ZNF48: variants seen among roughly 807,000 people sequenced by gnomAD.
ZNF48 encodes the protein zinc finger protein 48.
A neutral mutation model predicts 40.0 loss-of-function variants in ZNF48; 20 were observed. The ratio of observed to expected loss-of-function variants is 0.50; its 90% CI spans 0.35 to 0.73. ZNF48 has a LOEUF of 0.73. Among genes scored for constraint, ZNF48 ranks in the 30% least tolerant of loss-of-function variants. ZNF48 has a pLI of 0.01. For synonymous variants in ZNF48, 298 were observed against 329.7 expected, an observed-to-expected ratio of 0.90 and a Z score of 1.04; for missense variants, 726 against 851.9, an observed-to-expected ratio of 0.85 and a Z score of 1.84.
chr16:30,381,847 C>T lies in ZNF48; in HGVS notation c.-16+3437C>T, dbSNP rs2049853638. 1.2e-6 allele frequency: 2 copies of T among 1,614,176 alleles called. No homozygotes were observed. Among genetic ancestry groups the T allele is most frequent in the Middle Eastern group, 1.6e-4 (1 of 6,062 alleles). ...CACACCCCCTTCCTCAATCTCTACG[C>T]CCCGGCGCTCAATGGCCAGGGTCTG... On this transcript the variant is annotated intron_variant, in intron 1 of 2. Transcript: ENST00000528032. This position sits in a 1 kb window ranked among gnomAD's most constrained non-coding sequence, Gnocchi z 4.3.
chr16:30,390,766 G>A (rs1443950413), upstream of ZNF48, among the ~76,000 whole-genome samples: 3 of 151,610 alleles, frequency 2.0e-5, no homozygotes, highest in African/African-American at 4.8e-5. Context: ...GACTACAGGC[G>A]CCCGCCATCA....
intron 1 of ZNF48, among the ~76,000 whole-genome samples, chr16:30,386,741 T>G (rs1356212435): frequency 6.6e-6 from 1 of 151,794 alleles, no homozygotes; most frequent in Non-Finnish European, 1.5e-5. Flanking sequence ...CTCGGCTCAC[T>G]GCAACCTCTG....
rs139700274 is a variant in ZNF48 at position 30,388,191 on chromosome 16, C to T, written c.-15-7589C>T. Reference sequence around the variant, plus strand: ...GTTTCTCAGTGTTGGTCAGGCTGGTCTCGAATTCCCAATCTCAGGTGATCC... The same window carrying T: ...GTTTCTCAGTGTTGGTCAGGCTGGTTTCGAATTCCCAATCTCAGGTGATCC... On this transcript the variant is annotated intron_variant, in intron 1 of 2. Transcript: ENST00000528032. Among the ~76,000 whole-genome samples, 5 of 152,100 alleles carry T rather than the reference C, an allele frequency of 3.3e-5. No homozygotes were observed. In the East Asian group the frequency reaches 9.7e-4, roughly 29 times the overall value.
intron 2 of ZNF48, among the ~76,000 whole-genome samples, chr16:30,396,204 T>A (rs551493228): frequency 1.6e-4 from 25 of 152,212 alleles, no homozygotes; most frequent in Non-Finnish European, 3.1e-4. Context: ...TAAGTCCAGA[T>A]ATAATCCTGT....
upstream of ZNF48, chr16:30,395,325 A>T: frequency 2.2e-6 from 1 of 453,428 alleles, no homozygotes; most frequent in Middle Eastern, 3.7e-4. This position sits in a 1 kb window ranked among gnomAD's most constrained non-coding sequence, Gnocchi z 5.9. Context: ...CCCGCCGGCC[A>T]CAGAGCTACC....
At chr16:30,394,756 C>T (rs1244238757), upstream of ZNF48, 1 of 159,052 alleles carries the variant, frequency 6.3e-6, no homozygotes, top group Non-Finnish European at 1.4e-5. Flanking sequence ...TTTGGCTCCC[C>T]TTATTTTTGG....
At chr16:30,387,558 A>G (rs887739143) in intron 1 of ZNF48, among the ~76,000 whole-genome samples, 7 of 149,300 alleles carry the variant, frequency 4.7e-5, no homozygotes, top group Admixed American at 4.0e-4. Context: ...TTCCTCTCCA[A>G]AACAAAACAA....
chr16:30,387,215 T>C (rs2049908188), intron 1 of ZNF48, among the ~76,000 whole-genome samples: 2 of 147,360 alleles, frequency 1.4e-5, no homozygotes, highest in South Asian at 2.2e-4. Context: ...AGTGCTGGGA[T>C]TACAGGCGTG....
Position 30,399,166 on chromosome 16 carries a change from A to G in ZNF48, c.*59A>G, listed in dbSNP as rs2050027852. ...AAAGGGAGGGGCTCTGCCGCTTAGC[A>G]GAGAAGAAAGGGCCTGGGAGGTGGT... On this transcript the variant is annotated 3_prime_UTR_variant, in exon 3 of 3. Transcript: ENST00000613509. The G allele has an allele frequency of 1.4e-6, 2 of 1,469,578 alleles. No homozygotes were observed. Among genetic ancestry groups the G allele is most frequent in the Admixed American group, 2.3e-5 (1 of 44,298 alleles). 91.0% of individuals were successfully genotyped at this position (1,469,578 alleles called of 1,614,324 possible).
In ZNF48 at chr16:30,397,206, G is replaced by C; in HGVS notation, c.80-124G>C. On this transcript the variant is annotated intron_variant, in intron 2 of 2. Transcript: ENST00000613509. This position sits in a 1 kb window ranked among gnomAD's most constrained non-coding sequence, Gnocchi z 4.1. ...AGATAGTAAGTGCACCAGAGGTTGA[G>C]AGGACAGAGAGATTGGGGTTCCTGT... The C allele has an allele frequency of 1.2e-6, 1 of 842,086 alleles. No individual in the cohort carries two copies. The highest frequency in any genetic ancestry group is 1.9e-6 in the Non-Finnish European group (1 of 538,732). 52.2% of individuals were successfully genotyped at this position (842,086 alleles called of 1,614,324 possible).
At chr16:30,391,234 G>A (rs1011808788), upstream of ZNF48, among the ~76,000 whole-genome samples, 8 of 152,174 alleles carry the variant, frequency 5.3e-5, no homozygotes, top group Middle Eastern at 0.01. Flanking sequence ...TCACTCTGTC[G>A]CCCAGGCTGG....
chr16:30,397,209 G>A lies in ZNF48; in HGVS notation c.80-121G>A, dbSNP rs2049992765. 1 of 867,912 alleles carries A rather than the reference G, an allele frequency of 1.2e-6. No individual in the cohort carries two copies. The highest frequency in any genetic ancestry group is 1.8e-6 in the Non-Finnish European group (1 of 560,546). The allele number at this position is 867,912 out of a possible 1,614,324, so 53.8% of individuals were successfully genotyped here. Reference sequence around the variant, plus strand: ...TAGTAAGTGCACCAGAGGTTGAGAGGACAGAGAGATTGGGGTTCCTGTGAC... The same window carrying A: ...TAGTAAGTGCACCAGAGGTTGAGAGAACAGAGAGATTGGGGTTCCTGTGAC... On this transcript the variant is annotated intron_variant, in intron 2 of 2. Transcript: ENST00000613509. This position sits in a 1 kb window ranked among gnomAD's most constrained non-coding sequence, Gnocchi z 4.1.
At position 30,399,061 on chromosome 16, in the gene ZNF48, G is replaced by A. The variant is rs1361192611; in HGVS notation, c.1811G>A (p.Gly604Asp). 3 of 1,608,968 alleles carry A rather than the reference G, an allele frequency of 1.9e-6. No homozygotes were observed. The highest frequency in any genetic ancestry group is 2.5e-6 in the Non-Finnish European group (3 of 1,177,282). Residue 604 changes from glycine (G) to aspartate (D), a missense_variant, in exon 3 of 3, where the codon GGT (glycine) becomes GAT (aspartate). Physicochemically the swap from Gly to Asp is moderately conservative, Grantham distance 94 (BLOSUM62 -1). Transcript: ENST00000613509. ...CTGACGCCCTTTGGGATAGGGGATGGTAGGGCAAGGCCCCTCAAGCAGGAG... is the reference window on the plus strand; with the variant it reads ...CTGACGCCCTTTGGGATAGGGGATGATAGGGCAAGGCCCCTCAAGCAGGAG... ...LVLTPFGIGD[G>D]RARPLKQEAA...
intron 1 of ZNF48, chr16:30,380,076 A>G (rs1366432596): frequency 2.6e-6 from 4 of 1,521,100 alleles, no homozygotes; most frequent in Non-Finnish European, 3.6e-6. Flanking sequence ...ACGGGCCACA[A>G]TGACAGACAT....
chr16:30,387,354 AG>A (rs2049909923), intron 1 of ZNF48, among the ~76,000 whole-genome samples: 1 of 147,782 alleles, frequency 6.8e-6, no homozygotes, highest in Admixed American at 6.7e-5. Context: ...CGGGAGTTCA[AG>A]GCCAGCCTGG....
Position 30,399,410 on chromosome 16 carries a change from A to G in ZNF48, c.*303A>G, listed in dbSNP as rs991751556. On this transcript the variant is annotated 3_prime_UTR_variant, in exon 3 of 3. Transcript: ENST00000613509. ...GCTTTCACCTAAGGACTCAACCCTA[A>G]ATTCCTGCTGCCTCATCTGTTAAGA... The G allele has an allele frequency of 1.9e-5, 5 of 270,044 alleles. No homozygotes were observed. The highest frequency in any genetic ancestry group is 8.8e-5 in the African/African-American group (4 of 45,516). The allele number at this position is 270,044 out of a possible 1,614,324, so 16.7% of individuals were successfully genotyped here.
chr16:30,391,636 C>T (rs1376797768), upstream of ZNF48, among the ~76,000 whole-genome samples: 1 of 151,840 alleles, frequency 6.6e-6, no homozygotes, highest in Non-Finnish European at 1.5e-5. Context: ...GCTGGGATTA[C>T]AGGCGCGTAC....
In ZNF48 at chr16:30,398,971, CAG is replaced by C; in HGVS notation, c.1724_1725del (p.Glu575ValfsTer7). 1.7e-5 allele frequency: 28 copies of C among 1,614,042 alleles called. No individual in the cohort carries two copies. The highest frequency in any genetic ancestry group is 2.4e-5 in the Non-Finnish European group (28 of 1,180,000). On this transcript the variant is annotated frameshift_variant, in exon 3 of 3. Coordinates refer to ENST00000613509, the MANE Select transcript of ZNF48 (RefSeq NM_001214909.2). LOFTEE classifies it high-confidence loss of function. This position sits in a 1 kb window ranked among gnomAD's most constrained non-coding sequence, Gnocchi z 6.6. ...ACGGGGGAGAAGCCATACAAGTGTG[CAG>C]AGTGTGGCAAGGGTTTTGGTGACAG...
chr16:30,381,766 G>C lies in ZNF48; in HGVS notation c.-16+3356G>C, dbSNP rs2049852177. ...CCCCTTTCCTCTTCCTCACCAGTCAGAGCAGTCCACTGAGTCCCCAAAGCC... is the reference window on the plus strand; with the variant it reads ...CCCCTTTCCTCTTCCTCACCAGTCACAGCAGTCCACTGAGTCCCCAAAGCC... On this transcript the variant is annotated intron_variant, in intron 1 of 2. Transcript: ENST00000528032. This position sits in a 1 kb window ranked among gnomAD's most constrained non-coding sequence, Gnocchi z 4.3. The C allele has an allele frequency of 3.1e-6, 5 of 1,614,066 alleles. No individual in the cohort carries two copies. Among genetic ancestry groups the C allele is most frequent in the East Asian group, 2.2e-5 (1 of 44,878 alleles).
Sources: allele counts gnomAD v4.1 joint callset (sites outside exome capture counted in the v4.1 genomes callset), GRCh38; gene constraint gnomAD v4.1.1; non-coding constraint Gnocchi (gnomAD v3.1); transcripts MANE v1.5; gene names NCBI Gene and HGNC (gene_info 2026-07-23, HGNC 2026-07-21).